Variants in AIG1 observed in about 807,000 individuals in gnomAD.
AIG1 encodes the protein androgen induced 1, also known as androgen-induced gene 1 protein.
Under a neutral mutation model 31.4 loss-of-function variants are expected in AIG1, and 23 were observed. The ratio of observed to expected loss-of-function variants is 0.73; its 90% CI spans 0.53 to 1.04. AIG1 has a LOEUF of 1.04. Among genes scored for constraint, AIG1 ranks in the 50% least tolerant of loss-of-function variants. The pLI is 0.00. For missense variants in AIG1, 274 were observed against 295.0 expected (o/e 0.93, Z 0.52); for synonymous variants, 100 against 110.5 (o/e 0.90, Z 0.60).
At chr6:143,191,303 T>C (rs998110740) in intron 3 of AIG1, among the ~76,000 whole-genome samples, 1 of 152,130 alleles carries the variant, frequency 6.6e-6, no homozygotes, top group Admixed American at 6.5e-5. Context: ...ATATTTAATA[T>C]AAGATTAAAA....
chr6:143,143,333 A>G (rs147096436), intron 2 of AIG1, among the ~76,000 whole-genome samples: 2 of 140,034 alleles, frequency 1.4e-5, no homozygotes, highest in Admixed American at 7.2e-5. Context: ...CATCTCTACT[A>G]AAAAAAAAAT....
Position 143,149,170 on chromosome 6 carries a change from T to G in AIG1, c.297+12180T>G, listed in dbSNP as rs540145372. Among the ~76,000 whole-genome samples the G allele has an allele frequency of 3.2e-3, 485 of 152,240 alleles. 1 individual carries two copies. Among genetic ancestry groups the G allele is most frequent in the Non-Finnish European group, 5.8e-3 (394 of 68,014 alleles). Reference sequence around the variant, plus strand: ...CTCTTCATTATATGCCTGATAGACATTTTTATCTATGTACATGAGGCCTGA... The same window carrying G: ...CTCTTCATTATATGCCTGATAGACAGTTTTATCTATGTACATGAGGCCTGA... On this transcript the variant is annotated intron_variant, in intron 2 of 5. Transcript: ENST00000357847.
At chr6:143,212,223 C>G (rs1272478970) in intron 3 of AIG1, among the ~76,000 whole-genome samples, 1 of 152,170 alleles carries the variant, frequency 6.6e-6, no homozygotes, top group Non-Finnish European at 1.5e-5. Context: ...ACCAACAATT[C>G]AAATTCCACC....
intron 4 of AIG1, among the ~76,000 whole-genome samples, chr6:143,318,452 C>T (rs1356820072): frequency 1.3e-5 from 2 of 152,012 alleles, no homozygotes; most frequent in South Asian, 2.1e-4. Context: ...AAACTGGATC[C>T]TCATCTTTCA....
chr6:143,196,385 A>ACACACACG (rs1188320695), intron 3 of AIG1, among the ~76,000 whole-genome samples: 1 of 150,690 alleles, frequency 6.6e-6, no homozygotes, highest in Non-Finnish European at 1.5e-5. Context: ...ACACACACAC[A>ACACACACG]CACACACACA....
chr6:143,234,972 C>A, intron 3 of AIG1, among the ~76,000 whole-genome samples: 1 of 152,158 alleles, frequency 6.6e-6, no homozygotes, highest in East Asian at 1.9e-4. Flanking sequence ...AAATGCACTT[C>A]CCTTCCTGGG....
intron 3 of AIG1, among the ~76,000 whole-genome samples, chr6:143,237,126 A>T (rs141056771): frequency 6.6e-6 from 1 of 152,156 alleles, no homozygotes; most frequent in Non-Finnish European, 1.5e-5. Flanking sequence ...TGTATACTGC[A>T]CCCACTCCTT....
chr6:143,184,949 G>A (rs554736242), intron 3 of AIG1, among the ~76,000 whole-genome samples: 2 of 152,310 alleles, frequency 1.3e-5, no homozygotes, highest in East Asian at 3.9e-4. Flanking sequence ...TGTAGTCCCA[G>A]TACTTTGGGA....
At chr6:143,241,997 G>C (rs1583601263) in intron 3 of AIG1, among the ~76,000 whole-genome samples, 1 of 152,112 alleles carries the variant, frequency 6.6e-6, no homozygotes, top group East Asian at 1.9e-4. Flanking sequence ...AATTCAAACT[G>C]CTTATGGTCC....
At chr6:143,214,327 C>T (rs1280436500) in intron 3 of AIG1, among the ~76,000 whole-genome samples, 2 of 152,226 alleles carry the variant, frequency 1.3e-5, no homozygotes, top group African/African-American at 4.8e-5. Context: ...CTGTCATTCA[C>T]TCACTGTGAC....
intron 3 of AIG1, among the ~76,000 whole-genome samples, chr6:143,217,670 G>A (rs1415148335): frequency 1.3e-5 from 2 of 151,980 alleles, no homozygotes; most frequent in Non-Finnish European, 1.5e-5. Flanking sequence ...CACCACACCT[G>A]GCTAAGTTTT....
At chr6:143,070,448 AT>A (rs1030257927) in intron 1 of AIG1, among the ~76,000 whole-genome samples, 46 of 151,244 alleles carry the variant, frequency 3.0e-4, no homozygotes, top group East Asian at 9.7e-4. Context: ...GGTATTTTTA[AT>A]TTTTTTTTAG....
At chr6:143,301,464 G>A (rs911618250) in intron 4 of AIG1, among the ~76,000 whole-genome samples, 5 of 152,116 alleles carry the variant, frequency 3.3e-5, no homozygotes, top group African/African-American at 9.7e-5. Flanking sequence ...CCATTCTCAC[G>A]CTGCTATGAA....
rs139562575 is a variant in AIG1 at position 143,128,287 on chromosome 6, A to G, written c.142-8548A>G. Among the ~76,000 whole-genome samples, 441 of 152,346 alleles carry G rather than the reference A, an allele frequency of 2.9e-3. 8 individuals are homozygous for G. Among genetic ancestry groups the G allele is most frequent in the East Asian group, 7.9e-3 (41 of 5,186 alleles). On this transcript the variant is annotated intron_variant, in intron 1 of 5. Transcript: ENST00000357847. ...TCTAACATGACTCAGTAAATCAGCTATGATTTCCTGACAGGGAGAGTTGGG... is the reference window on the plus strand; with the variant it reads ...TCTAACATGACTCAGTAAATCAGCTGTGATTTCCTGACAGGGAGAGTTGGG...
chr6:143,226,085 A>G (rs907241698), intron 3 of AIG1, among the ~76,000 whole-genome samples: 3 of 152,166 alleles, frequency 2.0e-5, no homozygotes, highest in African/African-American at 7.2e-5. Flanking sequence ...TGTAATGATG[A>G]TAGAGAAAAC....
At chr6:143,159,552 G>T (rs903931680) in intron 2 of AIG1, among the ~76,000 whole-genome samples, 5 of 152,200 alleles carry the variant, frequency 3.3e-5, no homozygotes, top group Non-Finnish European at 5.9e-5. Context: ...ATTACTCACA[G>T]ACTTACATTC....
intron 2 of AIG1, among the ~76,000 whole-genome samples, chr6:143,156,329 C>G (rs1785748829): frequency 1.8e-5 from 2 of 113,628 alleles, no homozygotes; most frequent in Non-Finnish European, 3.9e-5. Context: ...CACTTAAGAA[C>G]CATGGAGTAT....
chr6:143,129,308 A>G (rs1389955077), intron 1 of AIG1, among the ~76,000 whole-genome samples: 1 of 151,954 alleles, frequency 6.6e-6, no homozygotes, highest in Non-Finnish European at 1.5e-5. Flanking sequence ...ATAAAAAAAG[A>G]AAAAAGAAAA....
chr6:143,179,190 G>C (rs1788489801), intron 3 of AIG1, among the ~76,000 whole-genome samples: 1 of 152,202 alleles, frequency 6.6e-6, no homozygotes, highest in African/African-American at 2.4e-5. Context: ...TATCACACTG[G>C]TGCACCTGGT....
Sources: gnomAD v4.1 joint callset for allele counts (sites outside exome capture counted in the v4.1 genomes callset) on GRCh38, gnomAD v4.1.1 for gene constraint, MANE v1.5 for transcripts, NCBI Gene and HGNC (gene_info 2026-07-23, HGNC 2026-07-21) for gene names.